RIPOR2: variants seen among roughly 807,000 people sequenced by gnomAD.
The protein encoded by RIPOR2 is RHO family interacting cell polarization regulator 2.
A neutral mutation model predicts 114.5 loss-of-function variants in RIPOR2; 39 were observed. The ratio of observed to expected loss-of-function variants is 0.34; its 90% CI spans 0.26 to 0.44. The LOEUF is 0.44. RIPOR2 is among the 20% of genes least tolerant of loss of function. The pLI is 1.00. For synonymous variants in RIPOR2, 445 were observed against 484.4 expected, an observed-to-expected ratio of 0.92 and a Z score of 1.07; for missense variants, 1,007 against 1,255.1, an observed-to-expected ratio of 0.80 and a Z score of 2.99.
At chr6:24,894,186 C>T (rs1051847510) in intron 1 of RIPOR2, among the ~76,000 whole-genome samples, 3 of 152,188 alleles carry the variant, frequency 2.0e-5, no homozygotes, top group Non-Finnish European at 2.9e-5. Flanking sequence ...CCTTGATTGA[C>T]GAAGGTGATT....
chr6:24,979,921 T>A (rs1401848901), intron 1 of RIPOR2, among the ~76,000 whole-genome samples: 1 of 152,208 alleles, frequency 6.6e-6, no homozygotes, highest in Non-Finnish European at 1.5e-5. Context: ...AAGTAAAGCA[T>A]CAAGCATATA....
intron 5 of RIPOR2, among the ~76,000 whole-genome samples, chr6:24,870,019 G>A (rs1765003439): frequency 6.6e-6 from 1 of 152,028 alleles, no homozygotes; most frequent in South Asian, 2.1e-4. Context: ...AAATTATTGT[G>A]CACATAGAAA....
intron 1 of RIPOR2, among the ~76,000 whole-genome samples, chr6:24,928,720 G>T (rs866899937): frequency 2.6e-5 from 4 of 152,186 alleles, no homozygotes; most frequent in Non-Finnish European, 5.9e-5. Flanking sequence ...AGGCAGCAAC[G>T]TCTTTCTTCT....
At chr6:25,029,436 A>G (rs1391140374) in intron 1 of RIPOR2, among the ~76,000 whole-genome samples, 4 of 147,748 alleles carry the variant, frequency 2.7e-5, no homozygotes, top group Non-Finnish European at 1.5e-5. Context: ...AAAAAAAAGA[A>G]GAAGAAGTAA....
intron 4 of RIPOR2, among the ~76,000 whole-genome samples, chr6:24,871,302 T>C (rs1765142466): frequency 6.6e-6 from 1 of 152,258 alleles, no homozygotes; most frequent in Non-Finnish European, 1.5e-5. Context: ...GCATATGTGT[T>C]AAAAAATACC....
chr6:24,869,796 C>G (rs561210323), intron 5 of RIPOR2, among the ~76,000 whole-genome samples: 21 of 152,192 alleles, frequency 1.4e-4, no homozygotes, highest in South Asian at 4.1e-4. Flanking sequence ...ATTTTGTCTT[C>G]TAAGATTGGT....
At chr6:24,862,644 C>T (rs1764178444) in intron 7 of RIPOR2, among the ~76,000 whole-genome samples, 2 of 152,224 alleles carry the variant, frequency 1.3e-5, no homozygotes, top group African/African-American at 4.8e-5. Context: ...TTTATTTCCT[C>T]AGAGTATTGG....
intron 14 of RIPOR2, among the ~76,000 whole-genome samples, chr6:24,838,228 T>G (rs1761285240): frequency 6.6e-6 from 1 of 152,242 alleles, no homozygotes; most frequent in South Asian, 2.1e-4. Flanking sequence ...CCCTCTTACA[T>G]TCTACAAGAA....
intron 1 of RIPOR2, among the ~76,000 whole-genome samples, chr6:24,956,875 C>T (rs384411): frequency 0.93 from 140,982 of 152,326 alleles, 65,667 homozygotes; most frequent in East Asian, 0.99. Flanking sequence ...ACCAGTTGCA[C>T]GTAGAATTAC....
intron 1 of RIPOR2, among the ~76,000 whole-genome samples, chr6:24,896,286 C>T (rs943730635): frequency 6.6e-6 from 1 of 152,194 alleles, no homozygotes; most frequent in African/African-American, 2.4e-5. Flanking sequence ...AAGAACCAAA[C>T]TCATAGGTCG....
chr6:24,809,433 C>T (rs1166940902), intron 21 of RIPOR2, among the ~76,000 whole-genome samples: 1 of 152,192 alleles, frequency 6.6e-6, no homozygotes, highest in Admixed American at 6.5e-5. Flanking sequence ...GGTTTGACTT[C>T]TGTGTTCTTG....
chr6:24,902,556 C>A (rs1171620234), intron 1 of RIPOR2, among the ~76,000 whole-genome samples: 1 of 152,094 alleles, frequency 6.6e-6, no homozygotes, highest in East Asian at 1.9e-4. Context: ...AGTGGGACCC[C>A]AATTTGAGGA....
chr6:24,930,666 G>T (rs216261), intron 1 of RIPOR2, among the ~76,000 whole-genome samples: 1 of 152,050 alleles, frequency 6.6e-6, no homozygotes, highest in Non-Finnish European at 1.5e-5. Flanking sequence ...ACTGTGGGGA[G>T]GTCTTTGTCT....
chr6:24,907,828 C>T (rs1769141880), intron 1 of RIPOR2, among the ~76,000 whole-genome samples: 1 of 152,128 alleles, frequency 6.6e-6, no homozygotes, highest in African/African-American at 2.4e-5. Context: ...TGCTCATGAT[C>T]ATTCTCCTTT....
intron 1 of RIPOR2, among the ~76,000 whole-genome samples, chr6:24,959,399 G>A (rs1773199834): frequency 6.6e-6 from 1 of 151,982 alleles, no homozygotes; most frequent in Non-Finnish European, 1.5e-5. Context: ...CAGGTCCTAG[G>A]AGGATCCACA....
At chr6:25,031,699 TTATATATATATATA>T (rs58886088) in intron 1 of RIPOR2, among the ~76,000 whole-genome samples, 1,357 of 35,330 alleles carry the variant, frequency 0.038, 32 homozygotes, top group Middle Eastern at 0.079. Context: ...TAGGTGGTAG[TTATATATATATATA>T]TATATATATA....
At chr6:24,976,962 A>T in intron 1 of RIPOR2, 1 of 1,541,254 alleles carries the variant, frequency 6.5e-7, no homozygotes, top group Non-Finnish European at 8.9e-7. Context: ...ACCATTGCTG[A>T]CTGTGGACAA....
At chr6:24,832,451 C>T in intron 15 of RIPOR2, 60 bp from the exon 16 acceptor site, 3 of 1,472,250 alleles carry the variant, frequency 2.0e-6, no homozygotes, top group East Asian at 2.5e-5. Flanking sequence ...GCTTTCTCTA[C>T]CCAGCCTCAT....
At chr6:24,840,041 C>T (rs1483088875) in intron 13 of RIPOR2, 5 of 838,778 alleles carry the variant, frequency 6.0e-6, no homozygotes, top group Non-Finnish European at 7.2e-6. Context: ...CCTCAATCTC[C>T]CGGGCTTAAG....
Sources: gnomAD v4.1 joint callset for allele counts (sites outside exome capture counted in the v4.1 genomes callset) on GRCh38, gnomAD v4.1.1 for gene constraint, MANE v1.5 for transcripts, NCBI Gene and HGNC (gene_info 2026-07-23, HGNC 2026-07-21) for gene names.